The following GAS7 variants were observed in gnomAD, a reference collection of about 807,000 sequenced individuals.
GAS7 encodes growth arrest-specific protein 7.
In GAS7, 28 loss-of-function variants were observed where a neutral mutation model predicts 71.1. The observed-to-expected ratio is 0.39, with a 90% CI of 0.29 to 0.54. The LOEUF (loss-of-function observed/expected upper bound fraction) is 0.54. GAS7 is among the 20% of genes least tolerant of loss of function. The probability of loss-of-function intolerance (pLI) is 0.62; values close to 1 mark genes in which losing one functional copy is unlikely to be tolerated. For missense variants in GAS7, 436 were observed against 627.8 expected (o/e 0.69, Z 3.27); for synonymous variants, 258 against 245.8 (o/e 1.05, Z -0.46).
At chr17:9,982,068 C>G (rs1444925661) in intron 2 of GAS7, among the ~76,000 whole-genome samples, 184 bp from the exon 3 acceptor site, 5 of 152,198 alleles carry the variant, frequency 3.3e-5, no homozygotes, top group Non-Finnish European at 5.9e-5. Context: ...CCCTTCCTGG[C>G]CCCTGCCCCC....
chr17:10,143,208 TG>T (rs2074096763), intron 1 of GAS7, among the ~76,000 whole-genome samples: 1 of 151,724 alleles, frequency 6.6e-6, no homozygotes, highest in Admixed American at 6.6e-5. Context: ...ATCTGTATGT[TG>T]AAGTCTTAAC....
chr17:9,997,583 C>T (rs1234954861), intron 2 of GAS7, among the ~76,000 whole-genome samples: 4 of 152,182 alleles, frequency 2.6e-5, no homozygotes. Flanking sequence ...AGCAGAGTGT[C>T]CTACAACTTA....
At chr17:10,093,626 T>G (rs6503285) in intron 1 of GAS7, among the ~76,000 whole-genome samples, 88,086 of 149,936 alleles carry the variant, frequency 0.59, 26,477 homozygotes, top group Non-Finnish European at 0.63. Context: ...GGAGCTCCCA[T>G]GGAAAGAGGG....
chr17:9,920,178 TGTAA>T (rs2067752670), intron 11 of GAS7, among the ~76,000 whole-genome samples: 1 of 133,316 alleles, frequency 7.5e-6, no homozygotes. Context: ...TTGCAGATCA[TGTAA>T]GTGTGTGTGT....
chr17:10,094,089 T>C (rs1458172408), intron 1 of GAS7, among the ~76,000 whole-genome samples: 1 of 152,236 alleles, frequency 6.6e-6, no homozygotes, highest in Non-Finnish European at 1.5e-5. Flanking sequence ...CTATGGCAGC[T>C]GCCATGAACC....
At chr17:9,961,390 A>T (rs1020041664) in intron 4 of GAS7, among the ~76,000 whole-genome samples, 22 of 152,340 alleles carry the variant, frequency 1.4e-4, no homozygotes, top group African/African-American at 5.1e-4. Context: ...ATTCACGTAC[A>T]GACTCTAGCC....
intron 1 of GAS7, among the ~76,000 whole-genome samples, chr17:10,186,041 C>T (rs1021351639): frequency 4.6e-5 from 7 of 150,756 alleles, no homozygotes; most frequent in African/African-American, 1.2e-4. Flanking sequence ...CTGCAAGCTC[C>T]GCCTCCTGGT....
At chr17:10,099,535 A>G (rs2152260415) in intron 1 of GAS7, among the ~76,000 whole-genome samples, 1 of 152,284 alleles carries the variant, frequency 6.6e-6, no homozygotes, top group African/African-American at 2.4e-5. Flanking sequence ...TGAAGAATGA[A>G]TTACATTGCT....
intron 2 of GAS7, among the ~76,000 whole-genome samples, chr17:10,015,408 T>C (rs562943637): frequency 1.1e-4 from 16 of 152,244 alleles, no homozygotes; most frequent in African/African-American, 3.9e-4. Context: ...GGCACTGGGC[T>C]AGCATGTGGA....
intron 1 of GAS7, among the ~76,000 whole-genome samples, chr17:10,123,128 C>T (rs757798986): frequency 8.5e-5 from 13 of 152,216 alleles, no homozygotes; most frequent in Non-Finnish European, 4.4e-5. Flanking sequence ...CCACTGCATC[C>T]GGCCTTCAGG....
At position 9,914,225 on chromosome 17, in the gene GAS7, G is replaced by T. The variant is rs1055433370; in HGVS notation, c.*3003C>A. On this transcript the variant is annotated 3_prime_UTR_variant, in exon 14 of 14. Transcript: ENST00000432992. The stretch of plus-strand genomic sequence containing the variant: ...TGAGCTTCACTTTCCTATTTGCAAA[G>T]AGTTATTTATAATTTTTTTGAGATG... 4.8e-6 allele frequency: 1 copy of T among 209,352 alleles called. No individual in the cohort carries two copies. The highest frequency in any genetic ancestry group is 9.7e-6 in the Non-Finnish European group (1 of 102,774). The allele number at this position is 209,352 out of a possible 1,614,324, so 13.0% of individuals were successfully genotyped here. A position where few individuals can be genotyped will look rare whatever the true frequency, so the allele number is the denominator to read the frequency against.
intron 11 of GAS7, among the ~76,000 whole-genome samples, chr17:9,925,274 C>T (rs2067956536): frequency 6.6e-6 from 1 of 152,182 alleles, no homozygotes; most frequent in Non-Finnish European, 1.5e-5. Context: ...TCCTCTGACC[C>T]CCAAAGTCTC....
chr17:10,006,316 CTTTTTTTTTTTTTTTTTTTTT>C (rs1168698479), intron 2 of GAS7, among the ~76,000 whole-genome samples: 2 of 65,610 alleles, frequency 3.0e-5, no homozygotes, highest in Admixed American at 2.1e-4. Context: ...GCCCCAGATT[CTTTTTTTTTTTTTTTTTTTTT>C]TTTTTTTTTT....
In GAS7 at chr17:10,005,099, A is replaced by C. The variant is rs545942936; in HGVS notation, c.304+14678T>G. On this transcript the variant is annotated intron_variant, in intron 2 of 13. Transcript: ENST00000432992. ...CATACATGCGTGTGTGCACGCATAC[A>C]TGCATGTGTGTGCGTGTGCACGCAT... 8.2e-3 allele frequency among the ~76,000 whole-genome samples: 1,201 copies of C among 146,678 alleles called. 22 individuals carry two copies. Among genetic ancestry groups the C allele is most frequent in the East Asian group, 0.059 (290 of 4,934 alleles).
At chr17:10,056,420 A>G (rs1169938831) in intron 1 of GAS7, among the ~76,000 whole-genome samples, 1 of 152,180 alleles carries the variant, frequency 6.6e-6, no homozygotes, top group African/African-American at 2.4e-5. Flanking sequence ...GCTTGAGCCC[A>G]GAAATTCAAG....
rs1001563631 is a variant in GAS7, at chr17:10,118,437, G to A, written c.183+79771C>T. 5.3e-5 allele frequency among the ~76,000 whole-genome samples: 8 copies of A among 152,216 alleles called. 1 individual carries two copies. In the South Asian group the frequency reaches 8.3e-4, roughly 16 times the overall value. On this transcript the variant is annotated intron_variant, in intron 1 of 13. Transcript: ENST00000432992. ...TCCAAAAAGCCCTCGTGGGCTGGGCGCAGTGGCTCACGCCTGTAATCCCAA... is the reference window on the plus strand; with the variant it reads ...TCCAAAAAGCCCTCGTGGGCTGGGCACAGTGGCTCACGCCTGTAATCCCAA...
chr17:9,960,347 G>A (rs1246698774), intron 4 of GAS7, among the ~76,000 whole-genome samples: 7 of 152,038 alleles, frequency 4.6e-5, no homozygotes, highest in East Asian at 1.9e-4. Flanking sequence ...CCGCCAGCAC[G>A]CCCAGCTAAT....
At chr17:10,023,412 G>A (rs1265939011) in intron 1 of GAS7, among the ~76,000 whole-genome samples, 3 of 152,212 alleles carry the variant, frequency 2.0e-5, no homozygotes, top group East Asian at 1.9e-4. Context: ...AATATCATTC[G>A]TAATGGCCAA....
intron 1 of GAS7, among the ~76,000 whole-genome samples, chr17:10,125,830 A>G (rs1414125328): frequency 6.6e-6 from 1 of 152,186 alleles, no homozygotes; most frequent in African/African-American, 2.4e-5. Context: ...TAAATCTTTC[A>G]GAAGCCCCTC....
Sources: allele counts gnomAD v4.1 joint callset (sites outside exome capture counted in the v4.1 genomes callset), GRCh38; gene constraint gnomAD v4.1.1; transcripts MANE v1.5; gene names NCBI Gene and HGNC (gene_info 2026-07-23, HGNC 2026-07-21).